ZNF398: variants seen among roughly 807,000 people sequenced by gnomAD.
ZNF398 encodes the protein zinc finger DNA binding protein ZER6.
Under a neutral mutation model 41.9 loss-of-function variants are expected in ZNF398, and 18 were observed. The observed-to-expected ratio is 0.43, with a 90% CI of 0.30 to 0.64. The LOEUF is 0.64. Ranked by LOEUF, ZNF398 falls within the 30% of genes least tolerant of loss-of-function variation. The pLI, the probability that ZNF398 is intolerant of heterozygous loss-of-function variation, is 0.14. For missense variants in ZNF398, 669 were observed against 822.8 expected (o/e 0.81, Z 2.29); for synonymous variants, 260 against 308.8 (o/e 0.84, Z 1.66).
intron 2 of ZNF398, among the ~76,000 whole-genome samples, chr7:149,162,901 G>A (rs535642802): frequency 2.1e-4 from 31 of 148,596 alleles, no homozygotes; most frequent in African/African-American, 7.6e-4. Flanking sequence ...GGGGGGAGGG[G>A]GGCGGCGGAG....
chr7:149,149,078 A>G (rs1008087078), intron 1 of ZNF398, among the ~76,000 whole-genome samples: 4 of 151,746 alleles, frequency 2.6e-5, no homozygotes, highest in Non-Finnish European at 4.4e-5. Context: ...CTGAGGCGGA[A>G]GAATCACTTG....
At chr7:149,149,943 C>T (rs78250147) in intron 1 of ZNF398, among the ~76,000 whole-genome samples, 7,015 of 152,210 alleles carry the variant, frequency 0.046, 528 homozygotes, top group African/African-American at 0.16. Context: ...TCAGTGGCCA[C>T]ATGTAGGTAG....
intron 3 of ZNF398, among the ~76,000 whole-genome samples, 154 bp downstream of exon 3, chr7:149,166,438 A>G (rs1422451124): frequency 6.6e-6 from 1 of 152,220 alleles, no homozygotes; most frequent in Non-Finnish European, 1.5e-5. Flanking sequence ...ATGCTTGCTA[A>G]CTAGGAATCA....
intron 2 of ZNF398, among the ~76,000 whole-genome samples, chr7:149,156,447 G>A (rs1447179279): frequency 7.1e-6 from 1 of 141,492 alleles, no homozygotes; most frequent in African/African-American, 2.6e-5. Flanking sequence ...GGAGGTTGCA[G>A]TGAGCCGAGA....
chr7:149,159,417 G>A (rs1047999015), intron 2 of ZNF398, among the ~76,000 whole-genome samples: 1 of 151,880 alleles, frequency 6.6e-6, no homozygotes, highest in Non-Finnish European at 1.5e-5. Context: ...GGAGGCTGAG[G>A]CAGGTGGATC....
At chr7:149,175,132 T>C (rs1795435376) in intron 4 of ZNF398, among the ~76,000 whole-genome samples, 1 of 152,224 alleles carries the variant, frequency 6.6e-6, no homozygotes, top group Non-Finnish European at 1.5e-5. Flanking sequence ...CCCCAGCCTC[T>C]TATTTCTGCT....
chr7:149,178,125 A>G (rs994191387), intron 5 of ZNF398, among the ~76,000 whole-genome samples: 4 of 152,106 alleles, frequency 2.6e-5, no homozygotes, highest in African/African-American at 7.2e-5. Flanking sequence ...CCCTGTCTCT[A>G]CTAAAAAGAC....
At chr7:149,174,579 C>T (rs1201269960) in intron 4 of ZNF398, among the ~76,000 whole-genome samples, 3 of 152,272 alleles carry the variant, frequency 2.0e-5, no homozygotes, top group Non-Finnish European at 1.5e-5. Context: ...AATCCCAGCA[C>T]TTTGGGAGGT....
intron 2 of ZNF398, among the ~76,000 whole-genome samples, chr7:149,159,969 T>A (rs1338338651): frequency 2.6e-5 from 4 of 152,006 alleles, no homozygotes; most frequent in Non-Finnish European, 5.9e-5. Flanking sequence ...CAAGTGATCC[T>A]TCTTCCTCAG....
chr7:149,148,863 C>CTTTTTTTTTTTTTTT (rs59895177), intron 1 of ZNF398, among the ~76,000 whole-genome samples: 647 of 63,230 alleles, frequency 0.01, 80 homozygotes, highest in East Asian at 0.015. Context: ...TTTTCTTTGT[C>CTTTTTTTTTTTTTTT]TTTTTTTTTT....
Position 149,150,707 on chromosome 7 carries a change from C to A in ZNF398, c.24+2941C>A, listed in dbSNP as rs1311288247. Among the ~76,000 whole-genome samples the A allele has an allele frequency of 4.0e-5, 4 of 100,698 alleles. No individual in the cohort carries two copies. The East Asian group carries it at 7.7e-4, about 20-fold the overall frequency. 66.1% of individuals were successfully genotyped at this position (100,698 alleles called of 152,430 possible). A position where few individuals can be genotyped will look rare whatever the true frequency, so the allele number is the denominator to read the frequency against. ...GGTGATTCTTCCCCGCCTCCCGCGC[C>A]CCCCCGCCTCCCCTCCTGCCCTAGA... is the stretch of plus-strand genomic sequence containing the variant. On this transcript the variant is annotated intron_variant, in intron 1 of 5. Coordinates refer to ENST00000475153, the MANE Select transcript of ZNF398 (RefSeq NM_170686.3).
intron 2 of ZNF398, among the ~76,000 whole-genome samples, chr7:149,155,471 A>G (rs1195856035): frequency 3.3e-5 from 5 of 152,146 alleles, no homozygotes; most frequent in African/African-American, 9.6e-5. Context: ...AATTTTGGTG[A>G]GCATCACATC....
At position 149,154,126 on chromosome 7, in the gene ZNF398, G is replaced by T; in HGVS notation, c.206G>T (p.Gly69Val). The change falls in exon 2 of 6, where the codon GGT becomes GTT. Residue 69 changes from glycine to valine, a missense_variant. Around this residue, in one of 3 missense-constraint regions of ZNF398, gnomAD observed 169 missense variants for 239.5 expected, o/e 0.71. Transcript: ENST00000475153. Reference protein sequence around the residue: ...IHSRRLLHLEGRTGTAEKKLA... With the variant: ...IHSRRLLHLEVRTGTAEKKLA... Reference sequence around the variant, plus strand: ...AGCCGGCGACTCCTACACCTGGAAGGTCGGACAGGGACAGCAGAGAAGAAA... The same window carrying T: ...AGCCGGCGACTCCTACACCTGGAAGTTCGGACAGGGACAGCAGAGAAGAAA... 6.2e-7 allele frequency: 1 copy of T among 1,614,154 alleles called. No homozygotes were observed. Among genetic ancestry groups the T allele is most frequent in the Non-Finnish European group, 8.5e-7 (1 of 1,180,010 alleles).
intron 2 of ZNF398, among the ~76,000 whole-genome samples, chr7:149,137,965 C>T (rs930387064): frequency 7.9e-5 from 12 of 151,608 alleles, no homozygotes; most frequent in Admixed American, 6.6e-4. Context: ...TTTGGAAGGC[C>T]GAGGCGGGCG....
At position 149,180,600 on chromosome 7, in the gene ZNF398, C is replaced by T. The variant is rs1474253065; in HGVS notation, c.*799C>T. On this transcript the variant is annotated 3_prime_UTR_variant, in exon 6 of 6. Transcript: ENST00000475153. ...GTTTTCTTAGCCCCAGCTTTAAAAG[C>T]TAGAGATCTCAGAGAAATAGCTGGC... The T allele has an allele frequency of 1.3e-5, 2 of 152,182 alleles. No individual in the cohort carries two copies. Among genetic ancestry groups the T allele is most frequent in the African/African-American group, 4.8e-5 (2 of 41,448 alleles). The allele number at this position is 152,182 out of a possible 1,614,324, so 9.4% of individuals were successfully genotyped here.
At position 149,163,182 on chromosome 7, in the gene ZNF398, A is replaced by G. The variant is rs1795146066; in HGVS notation, c.421-2976A>G. ...AAAAAGAGCCACAATCAAACAATGAACAAAATACCTGTTTTGTTTGTTTGT... is the reference window on the plus strand; with the variant it reads ...AAAAAGAGCCACAATCAAACAATGAGCAAAATACCTGTTTTGTTTGTTTGT... On this transcript the variant is annotated intron_variant, in intron 2 of 5. Coordinates refer to ENST00000475153, the MANE Select transcript of ZNF398 (RefSeq NM_170686.3). Among the ~76,000 whole-genome samples, 2 of 151,948 alleles carry G rather than the reference A, an allele frequency of 1.3e-5. 1 individual carries two copies. Among genetic ancestry groups the G allele is most frequent in the South Asian group, 4.2e-4 (2 of 4,794 alleles).
intron 1 of ZNF398, chr7:149,151,219 A>C: frequency 1.6e-6 from 2 of 1,213,978 alleles, no homozygotes; most frequent in Non-Finnish European, 1.1e-6. Context: ...ACGCTTACTA[A>C]TCTGCTTACA....
At chr7:149,171,385 T>G (rs1288520001) in intron 4 of ZNF398, among the ~76,000 whole-genome samples, 1 of 152,150 alleles carries the variant, frequency 6.6e-6, no homozygotes, top group African/African-American at 2.4e-5. Context: ...ACTTATTTTT[T>G]TGAAATGAAG....
intron 1 of ZNF398, among the ~76,000 whole-genome samples, chr7:149,152,648 CCT>C (rs1794874172): frequency 1.3e-5 from 2 of 151,118 alleles, no homozygotes; most frequent in African/African-American, 4.9e-5. Flanking sequence ...CTCACTGAAA[CCT>C]CGGTCTCCTG....
Sources: allele counts gnomAD v4.1 joint callset (sites outside exome capture counted in the v4.1 genomes callset), GRCh38; gene constraint gnomAD v4.1.1; regional missense constraint gnomAD v4.1.1; transcripts MANE v1.5; gene names NCBI Gene and HGNC (gene_info 2026-07-23, HGNC 2026-07-21).